SMYD3: variants seen among roughly 807,000 people sequenced by gnomAD.
SMYD3 encodes histone-lysine N-methyltransferase SMYD3.
Under a neutral mutation model 57.7 loss-of-function variants are expected in SMYD3, and 36 were observed. The ratio of observed to expected loss-of-function variants is 0.62; its 90% CI spans 0.48 to 0.82. The LOEUF is 0.82. SMYD3 is among the 40% of genes least tolerant of loss of function. The pLI, the probability that SMYD3 is intolerant of heterozygous loss-of-function variation, is 0.00. For synonymous variants in SMYD3, 211 were observed against 195.0 expected (o/e 1.08, Z -0.68); for missense variants, 515 against 538.8 (o/e 0.96, Z 0.44).
chr1:246,327,044 A>G, intron 5 of SMYD3, 157 bp downstream of exon 5: 1 of 832,274 alleles, frequency 1.2e-6, no homozygotes. Context: ...CACACAATAC[A>G]TTCTCTCATG....
At chr1:246,312,963 G>A (rs750940473) in intron 5 of SMYD3, among the ~76,000 whole-genome samples, 2 of 152,106 alleles carry the variant, frequency 1.3e-5, no homozygotes, top group Non-Finnish European at 2.9e-5. Context: ...TACCCAGGCT[G>A]CAATGCAGTG....
intron 5 of SMYD3, among the ~76,000 whole-genome samples, chr1:246,002,993 G>A (rs1301099062): frequency 3.9e-5 from 6 of 152,116 alleles, no homozygotes; most frequent in African/African-American, 1.4e-4. Flanking sequence ...GTTTACCACC[G>A]CACGATGTAA....
At chr1:246,040,106 T>C (rs2059842734) in intron 5 of SMYD3, among the ~76,000 whole-genome samples, 1 of 152,214 alleles carries the variant, frequency 6.6e-6, no homozygotes, top group Non-Finnish European at 1.5e-5. Context: ...GATCCTATCA[T>C]GAAACAGAAA....
At chr1:246,233,355 C>T (rs1321715132) in intron 5 of SMYD3, among the ~76,000 whole-genome samples, 2 of 121,698 alleles carry the variant, frequency 1.6e-5, no homozygotes, top group African/African-American at 3.2e-5. Flanking sequence ...CCCCAATTCA[C>T]ACTGTGATGA....
chr1:246,458,005 T>C (rs906799777), intron 1 of SMYD3, among the ~76,000 whole-genome samples: 10 of 152,346 alleles, frequency 6.6e-5, no homozygotes, highest in Admixed American at 6.5e-4. Flanking sequence ...TATGTGATTT[T>C]ATCACCTGCA....
In SMYD3 at chr1:246,129,576, A is replaced by C. The variant is rs180696011; in HGVS notation, c.531+197625T>G. ...ATCTTCTGCTGCATGTTCACTATTC[A>C]AAGTAGCCCAAAGGGAACCAAGACA... On this transcript the variant is annotated intron_variant, in intron 5 of 11. Coordinates refer to ENST00000490107, the MANE Select transcript of SMYD3 (RefSeq NM_001167740.2). Among the ~76,000 whole-genome samples, 185 of 152,278 alleles carry C rather than the reference A, an allele frequency of 1.2e-3. 3 individuals carry two copies. In the Middle Eastern group the frequency reaches 0.014, roughly 11 times the overall value.
intron 1 of SMYD3, among the ~76,000 whole-genome samples, chr1:246,416,388 C>T (rs1331155448): frequency 1.3e-5 from 2 of 152,000 alleles, no homozygotes; most frequent in African/African-American, 4.8e-5. Context: ...TTCTTTGAAG[C>T]TTAGTATTCA....
chr1:246,124,885 C>T (rs543549501), intron 5 of SMYD3, among the ~76,000 whole-genome samples: 1 of 152,034 alleles, frequency 6.6e-6, no homozygotes, highest in South Asian at 2.1e-4. Flanking sequence ...ATTGAGACCA[C>T]GGTGAAACCC....
chr1:246,040,013 G>T (rs75124765), intron 5 of SMYD3, among the ~76,000 whole-genome samples: 9 of 152,148 alleles, frequency 5.9e-5, no homozygotes, highest in Admixed American at 5.9e-4. Context: ...GTTAACGTCC[G>T]ACATGATCTG....
At chr1:246,000,416 A>G (rs564914785) in intron 5 of SMYD3, among the ~76,000 whole-genome samples, 2 of 152,248 alleles carry the variant, frequency 1.3e-5, no homozygotes, top group South Asian at 4.1e-4. Context: ...TGGAGATAGG[A>G]TATTACTTCC....
Position 246,287,838 on chromosome 1 carries a change from G to C in SMYD3, c.531+39363C>G, listed in dbSNP as rs2064602168. Among the ~76,000 whole-genome samples the C allele has an allele frequency of 2.6e-5, 4 of 152,140 alleles. No homozygotes were observed. In the South Asian group the frequency reaches 8.3e-4, roughly 32 times the overall value. ...ATTCTTGACAGCCAAGCTTTGTCAA[G>C]AGAAAATGTGCTTTCTAAATTCCTA... On this transcript the variant is annotated intron_variant, in intron 5 of 11. Coordinates refer to ENST00000490107, the MANE Select transcript of SMYD3 (RefSeq NM_001167740.2).
At chr1:246,411,803 C>T (rs2066975158) in intron 1 of SMYD3, among the ~76,000 whole-genome samples, 1 of 127,230 alleles carries the variant, frequency 7.9e-6, no homozygotes, top group South Asian at 2.6e-4. Flanking sequence ...GGAAGGGGAA[C>T]ATCACACACC....
At chr1:245,877,760 A>G (rs1411051985) in intron 8 of SMYD3, among the ~76,000 whole-genome samples, 1 of 152,154 alleles carries the variant, frequency 6.6e-6, no homozygotes, top group East Asian at 1.9e-4. Flanking sequence ...TAGGAAAGGG[A>G]CGTTCGCTTT....
intron 5 of SMYD3, among the ~76,000 whole-genome samples, chr1:246,058,573 A>G (rs1319304225): frequency 6.6e-6 from 1 of 152,270 alleles, no homozygotes; most frequent in East Asian, 1.9e-4. Context: ...GGGAAATAAA[A>G]ATTTTACACT....
chr1:245,809,644 C>A (rs557293125), intron 10 of SMYD3, among the ~76,000 whole-genome samples: 6 of 152,134 alleles, frequency 3.9e-5, no homozygotes, highest in Non-Finnish European at 7.3e-5. Context: ...GAAAGCTTGG[C>A]GTGGTTAGGA....
chr1:246,360,444 G>GA (rs201522573), intron 1 of SMYD3, among the ~76,000 whole-genome samples: 72 of 147,944 alleles, frequency 4.9e-4, no homozygotes, highest in East Asian at 9.8e-4. Flanking sequence ...CACAAAACTA[G>GA]AAAAAAAAAA....
At chr1:246,055,474 C>T (rs2060136374) in intron 5 of SMYD3, among the ~76,000 whole-genome samples, 1 of 152,132 alleles carries the variant, frequency 6.6e-6, no homozygotes, top group South Asian at 2.1e-4. Flanking sequence ...AAAATAATTA[C>T]TATATGATCC....
At chr1:246,163,247 G>C (rs2062151686) in intron 5 of SMYD3, among the ~76,000 whole-genome samples, 1 of 152,124 alleles carries the variant, frequency 6.6e-6, no homozygotes, top group South Asian at 2.1e-4. Context: ...ACATTTTCCA[G>C]CTTGCCTTGA....
At chr1:246,294,183 T>C (rs1403228271) in intron 5 of SMYD3, among the ~76,000 whole-genome samples, 9 of 152,148 alleles carry the variant, frequency 5.9e-5, no homozygotes, top group Admixed American at 5.9e-4. Context: ...GCATTAGCCA[T>C]CATCTGTATA....
Sources: gnomAD v4.1 joint callset for allele counts (sites outside exome capture counted in the v4.1 genomes callset) on GRCh38, gnomAD v4.1.1 for gene constraint, MANE v1.5 for transcripts, NCBI Gene and HGNC (gene_info 2026-07-23, HGNC 2026-07-21) for gene names.